Variants in CSNK1G1 observed in about 807,000 individuals in gnomAD.
The protein encoded by CSNK1G1 is casein kinase 1 gamma 1.
CSNK1G1 carries 22 observed loss-of-function variants against 59.6 expected under a neutral mutation model. The observed-to-expected ratio is 0.37, with a 90% confidence interval of 0.26 to 0.53. CSNK1G1 has a LOEUF of 0.53. Ranked by LOEUF, CSNK1G1 falls within the 20% of genes least tolerant of loss-of-function variation. CSNK1G1 has a pLI of 0.89. For synonymous variants in CSNK1G1, 179 were observed against 177.1 expected (o/e 1.01, Z -0.08); for missense variants, 384 against 519.5 (o/e 0.74, Z 2.54).
chr15:64,187,089 G>A (rs1469537255), intron 10 of CSNK1G1, among the ~76,000 whole-genome samples: 2 of 152,114 alleles, frequency 1.3e-5, no homozygotes, highest in African/African-American at 2.4e-5. Context: ...CCAAAGTGCT[G>A]GGATTATAGG....
chr15:64,333,316 A>C (rs1046964805), intron 1 of CSNK1G1, among the ~76,000 whole-genome samples: 4 of 141,366 alleles, frequency 2.8e-5, no homozygotes, highest in African/African-American at 1.1e-4. Flanking sequence ...TCTTGAAACA[A>C]TGGCTGGGCA....
At chr15:64,276,639 G>C (rs1893630602) in intron 2 of CSNK1G1, among the ~76,000 whole-genome samples, 8 of 152,116 alleles carry the variant, frequency 5.3e-5, no homozygotes, top group Admixed American at 4.6e-4. Flanking sequence ...AGGTACAACA[G>C]TCCTTTGAAA....
At chr15:64,265,533 C>G (rs188589806) in intron 2 of CSNK1G1, among the ~76,000 whole-genome samples, 6 of 152,102 alleles carry the variant, frequency 3.9e-5, no homozygotes, top group Non-Finnish European at 8.8e-5. Context: ...GATTGTGAGG[C>G]CTCCCAGCTA....
Position 64,204,879 on chromosome 15 carries a change from C to G in CSNK1G1, c.836G>C (p.Cys279Ser), listed in dbSNP as rs1442854527. ...TKRNTPIEAL[C>S]ENFPEEMATY... ...TAGCATCCCACCTGGAAAGTTCTCA[C>G]AGAGAGCTTCAATGGGAGTATTCCT... is the stretch of plus-strand genomic sequence containing the variant. Residue 279 changes from cysteine (C) to serine (S), a missense_variant, in exon 8 of 12, where the codon TGT (cysteine) becomes TCT (serine). By Grantham distance (112) the Cys-to-Ser change is moderately radical. This residue lies in a region of CSNK1G1 where 325 missense variants were observed against 440.9 expected (regional missense o/e 0.74). Transcript: ENST00000303052. The G allele has an allele frequency of 6.2e-7, 1 of 1,608,688 alleles. No homozygotes were observed. The highest frequency in any genetic ancestry group is 8.5e-7 in the Non-Finnish European group (1 of 1,175,276).
intron 2 of CSNK1G1, among the ~76,000 whole-genome samples, chr15:64,296,841 G>A (rs1238192804): frequency 1.3e-5 from 2 of 149,740 alleles, no homozygotes; most frequent in Non-Finnish European, 1.5e-5. Flanking sequence ...TCTAGCCTGG[G>A]CAAAAAGAGC....
At position 64,216,505 on chromosome 15, in the gene CSNK1G1, C is replaced by G; in HGVS notation, c.444+57G>C. 1.3e-6 allele frequency: 2 copies of G among 1,557,128 alleles called. No individual in the cohort carries two copies. Among genetic ancestry groups the G allele is most frequent in the African/African-American group, 2.7e-5 (2 of 73,276 alleles). On this transcript the variant is annotated intron_variant, in intron 5 of 11. Transcript: ENST00000303052. The surrounding 1 kb of genome is among the most constrained non-coding windows in gnomAD (Gnocchi z 4.6). ...GGCTAGTAAATCACCAAAAGGCCCA[C>G]AAGGATGTGGCTGAGGAACCAGCTT...
At chr15:64,172,595 TG>T (rs147043917) in intron 11 of CSNK1G1, among the ~76,000 whole-genome samples, 7,990 of 152,262 alleles carry the variant, frequency 0.052, 249 homozygotes, top group South Asian at 0.087. Flanking sequence ...CCACATCTCC[TG>T]ACATCAGTAC....
At chr15:64,272,039 A>C (rs897562429) in intron 2 of CSNK1G1, among the ~76,000 whole-genome samples, 1 of 151,984 alleles carries the variant, frequency 6.6e-6, no homozygotes, top group Admixed American at 6.6e-5. Flanking sequence ...TGTTGGTTTA[A>C]AGTCTGTTTT....
intron 10 of CSNK1G1, among the ~76,000 whole-genome samples, chr15:64,191,225 A>G (rs1452055958): frequency 6.6e-6 from 1 of 151,928 alleles, no homozygotes; most frequent in Non-Finnish European, 1.5e-5. Context: ...CCAGGTTGCT[A>G]ATTTTTTTAT....
chr15:64,267,326 C>G (rs1893044139), intron 2 of CSNK1G1, among the ~76,000 whole-genome samples: 1 of 149,106 alleles, frequency 6.7e-6, no homozygotes, highest in South Asian at 2.1e-4. Context: ...TGAAAACAGG[C>G]AAATGGGATT....
At chr15:64,204,650 G>C in intron 8 of CSNK1G1, 61 bp from the exon 9 acceptor site, 1 of 1,530,746 alleles carries the variant, frequency 6.5e-7, no homozygotes, top group Non-Finnish European at 8.9e-7. Flanking sequence ...AGCAGTTGTG[G>C]GGAAGCATTG....
At chr15:64,233,543 A>G (rs1359702813) in intron 4 of CSNK1G1, among the ~76,000 whole-genome samples, 2 of 152,214 alleles carry the variant, frequency 1.3e-5, no homozygotes, top group Non-Finnish European at 2.9e-5. Context: ...ACAGCATTAT[A>G]TATGAATATC....
chr15:64,344,595 T>C (rs1359295893), intron 1 of CSNK1G1, among the ~76,000 whole-genome samples: 1 of 152,176 alleles, frequency 6.6e-6, no homozygotes, highest in Non-Finnish European at 1.5e-5. Flanking sequence ...AATATACACA[T>C]TTCAATTATA....
chr15:64,175,124 G>T (rs1228699166), intron 11 of CSNK1G1, among the ~76,000 whole-genome samples: 1 of 151,368 alleles, frequency 6.6e-6, no homozygotes, highest in Non-Finnish European at 1.5e-5. Context: ...CCACCACAAT[G>T]TCGGATTACA....
intron 1 of CSNK1G1, among the ~76,000 whole-genome samples, chr15:64,326,704 C>T (rs1159131028): frequency 6.6e-6 from 1 of 151,830 alleles, no homozygotes. Flanking sequence ...CTCCGGTCTA[C>T]AGCTTCCAGC....
At chr15:64,189,920 G>A (rs926337377) in intron 10 of CSNK1G1, among the ~76,000 whole-genome samples, 3 of 149,194 alleles carry the variant, frequency 2.0e-5, no homozygotes, top group South Asian at 2.1e-4. Flanking sequence ...CCAGGTTCAC[G>A]CCACTCTTCT....
rs1056915582 is a variant in CSNK1G1, at chr15:64,188,438, C to A, written c.1108-7984G>T. The A allele has an allele frequency of 1.2e-5, 18 of 1,536,024 alleles. No homozygotes were observed. In the Admixed American group the frequency reaches 3.3e-4, roughly 28 times the overall value. On this transcript the variant is annotated intron_variant, in intron 10 of 11. Coordinates refer to ENST00000303052, the MANE Select transcript of CSNK1G1 (RefSeq NM_022048.5). This position sits in a 1 kb window ranked among gnomAD's most constrained non-coding sequence, Gnocchi z 4.2. ...ACGTTAGGTATGAGGTATTGGTCTG[C>A]CGGCTGGGCTGAATTTCCCACTCTC...
chr15:64,354,844 G>C (rs1195922216), intron 1 of CSNK1G1, among the ~76,000 whole-genome samples: 1 of 152,180 alleles, frequency 6.6e-6, no homozygotes, highest in African/African-American at 2.4e-5. Context: ...CTAGCAACTG[G>C]CATAGTCTAG....
chr15:64,261,667 C>A (rs1397950832), intron 2 of CSNK1G1, among the ~76,000 whole-genome samples: 3 of 151,776 alleles, frequency 2.0e-5, no homozygotes, highest in African/African-American at 7.3e-5. Context: ...ACCCTAAGAA[C>A]TTAATTACAG....
Sources: gnomAD v4.1 joint callset for allele counts (sites outside exome capture counted in the v4.1 genomes callset) on GRCh38, gnomAD v4.1.1 for gene constraint, gnomAD v4.1.1 regional missense constraint, Gnocchi (gnomAD v3.1) non-coding constraint, MANE v1.5 for transcripts, NCBI Gene and HGNC (gene_info 2026-07-23, HGNC 2026-07-21) for gene names.